The following TECPR2 variants were observed in gnomAD, a reference collection of about 807,000 sequenced individuals.
TECPR2 encodes the protein tectonin beta-propeller repeat-containing protein 2.
In TECPR2, 65 loss-of-function variants were observed where a neutral mutation model predicts 138.1. The observed-to-expected ratio is 0.47, with a 90% CI of 0.39 to 0.58. The LOEUF (loss-of-function observed/expected upper bound fraction) is 0.58, where lower values mean the gene tolerates loss of function less well. Among genes scored for constraint, TECPR2 ranks in the 20% least tolerant of loss-of-function variants. The pLI is 0.00. For synonymous variants in TECPR2, 746 were observed against 749.8 expected (o/e 0.99, Z 0.08); for missense variants, 1,553 against 1,824.5 (o/e 0.85, Z 2.71).
chr14:102,434,857 G>A lies in TECPR2; in HGVS notation c.2040G>A (p.Glu680=), dbSNP rs768087934. The A allele has an allele frequency of 1.8e-5, 29 of 1,613,650 alleles. No homozygotes were observed. Among genetic ancestry groups the A allele is most frequent in the Admixed American group, 8.3e-5 (5 of 60,024 alleles). The change falls in exon 9 of 20, where the codon GAG becomes GAA. Residue 680 remains glutamate (E), a synonymous_variant. Transcript: ENST00000359520. The part of the protein sequence containing the change: ...DEGSPVEPSQ[E]QDILTSMEAS... ...GCAGCCCCGTGGAGCCCAGCCAAGA[G>A]CAGGACATCCTAACCAGCATGGAGG...
chr14:102,449,835 G>A lies in TECPR2; in HGVS notation c.3282G>A (p.Lys1094=), dbSNP rs199835341. Residue 1094 remains lysine (K), a synonymous_variant, in exon 14 of 20, where the codon AAG becomes AAA. Transcript: ENST00000359520. ...NNSGVWISSG[K]NEFHVAKGSL... is the part of the protein sequence containing the mutation. The stretch of plus-strand genomic sequence containing the variant: ...GCGGTGTCTGGATCTCCTCGGGCAA[G>A]AATGAATTCCACGTCGCTAAGGGAA... 1.5e-4 allele frequency: 246 copies of A among 1,614,072 alleles called. No individual in the cohort carries two copies. Among genetic ancestry groups the A allele is most frequent in the Middle Eastern group, 1.3e-3 (8 of 6,062 alleles).
intron 2 of TECPR2, among the ~76,000 whole-genome samples, chr14:102,394,273 G>A (rs896884012): frequency 3.3e-5 from 5 of 152,152 alleles, no homozygotes; most frequent in African/African-American, 1.2e-4. Context: ...ACATTTGTGT[G>A]TGAATCCTGA....
chr14:102,365,714 A>G (rs1887329728), intron 1 of TECPR2, among the ~76,000 whole-genome samples: 1 of 152,192 alleles, frequency 6.6e-6, no homozygotes, highest in South Asian at 2.1e-4. Context: ...CAGGGCTGAG[A>G]GAAGAAGCGT....
intron 16 of TECPR2, among the ~76,000 whole-genome samples, chr14:102,460,635 A>C (rs979969331): frequency 3.5e-4 from 54 of 152,130 alleles, no homozygotes; most frequent in African/African-American, 1.3e-3. Context: ...ATTAAATTTT[A>C]ATTTCAAGGA....
At chr14:102,385,655 C>T (rs576567684) in intron 2 of TECPR2, among the ~76,000 whole-genome samples, 36 of 152,274 alleles carry the variant, frequency 2.4e-4, no homozygotes, top group African/African-American at 8.7e-4. Context: ...TTAGCTAGTC[C>T]AGGCATAGTG....
chr14:102,448,738 G>A (rs906902604), intron 13 of TECPR2, among the ~76,000 whole-genome samples: 2 of 151,954 alleles, frequency 1.3e-5, no homozygotes, highest in East Asian at 3.9e-4. Context: ...GTTGTGGCGT[G>A]CGCCTGTAGT....
intron 2 of TECPR2, among the ~76,000 whole-genome samples, chr14:102,379,851 G>T (rs190866012): frequency 5.2e-4 from 76 of 147,386 alleles, no homozygotes; most frequent in Admixed American, 5.1e-3. Context: ...CACTGCTGAA[G>T]ATCACAGTCT....
At chr14:102,393,196 C>A (rs1293007809) in intron 2 of TECPR2, among the ~76,000 whole-genome samples, 1 of 152,096 alleles carries the variant, frequency 6.6e-6, no homozygotes, top group East Asian at 1.9e-4. Context: ...TTTTGGGGTC[C>A]TGTGGATTTT....
chr14:102,428,635 G>A (rs1462661834), intron 7 of TECPR2, among the ~76,000 whole-genome samples: 2 of 151,980 alleles, frequency 1.3e-5, no homozygotes, highest in African/African-American at 4.8e-5. Flanking sequence ...GGTGGCATGC[G>A]CCTGTGGTCT....
chr14:102,473,466 C>T (rs533601979), intron 17 of TECPR2, among the ~76,000 whole-genome samples: 52 of 152,256 alleles, frequency 3.4e-4, no homozygotes, highest in African/African-American at 1.3e-3. Context: ...TTTATTTGTT[C>T]TTCGACTTGA....
chr14:102,491,356 T>A (rs1298205324), intron 17 of TECPR2, among the ~76,000 whole-genome samples: 1 of 150,768 alleles, frequency 6.6e-6, no homozygotes, highest in Non-Finnish European at 1.5e-5. Context: ...GCTGGGACTA[T>A]AGGCACATGC....
chr14:102,391,146 C>T (rs1179815885), intron 2 of TECPR2, among the ~76,000 whole-genome samples: 1 of 152,168 alleles, frequency 6.6e-6, no homozygotes, highest in Non-Finnish European at 1.5e-5. Flanking sequence ...GCAACCTTTG[C>T]CTCTGGGTTC....
intron 1 of TECPR2, among the ~76,000 whole-genome samples, chr14:102,375,854 C>G (rs1887627946): frequency 6.6e-6 from 1 of 152,232 alleles, no homozygotes; most frequent in Admixed American, 6.5e-5. Flanking sequence ...TCATGACCCT[C>G]TGGCCCCCAG....
At chr14:102,424,119 G>T (rs1157198395) in intron 5 of TECPR2, among the ~76,000 whole-genome samples, 1 of 152,204 alleles carries the variant, frequency 6.6e-6, no homozygotes, top group Non-Finnish European at 1.5e-5. Context: ...GTAGGTGGTA[G>T]GTACAGCCTA....
intron 8 of TECPR2, among the ~76,000 whole-genome samples, chr14:102,432,683 C>T (rs528916847): frequency 6.6e-6 from 1 of 151,862 alleles, no homozygotes; most frequent in Non-Finnish European, 1.5e-5. Context: ...CGTGAGCCAC[C>T]GCGCCTGGCA....
In TECPR2 at chr14:102,437,154, T is replaced by C. The variant is rs577260704; in HGVS notation, c.2395-868T>C. 3 of 985,442 alleles carry C rather than the reference T, an allele frequency of 3.0e-6. No individual in the cohort carries two copies. The African/African-American group carries it at 5.2e-5, about 17-fold the overall frequency. The allele number at this position is 985,442 out of a possible 1,614,324, so 61.0% of individuals were successfully genotyped here. On this transcript the variant is annotated intron_variant, in intron 9 of 19. Transcript: ENST00000359520. ...TGGGCACCATTTTCTTTGAAGTAGT[T>C]AACTTCTATGTGGGTATCTGTACAA...
rs779898163 is a variant in TECPR2, at chr14:102,465,181, C to T, written c.3681C>T (p.His1227=). The T allele has an allele frequency of 2.5e-6, 4 of 1,614,120 alleles. No individual in the cohort carries two copies. In the Admixed American group the frequency reaches 5.0e-5, roughly 20 times the overall value. ...CAAGCTTGGCATGTGGAAATCAGCA[C>T]ATCTGGGCCTGTGATTCCAGGGGTG... ...KLTSLACGNQ[H]IWACDSRGGV... is the part of the protein sequence containing the mutation. Residue 1227 remains histidine, a synonymous_variant, in exon 17 of 20, where the codon CAC becomes CAT. Coordinates refer to ENST00000359520, the MANE Select transcript of TECPR2 (RefSeq NM_014844.5).
At chr14:102,431,334 T>C (rs1299176767) in intron 7 of TECPR2, among the ~76,000 whole-genome samples, 1 of 149,912 alleles carries the variant, frequency 6.7e-6, no homozygotes, top group Non-Finnish European at 1.5e-5. Context: ...CTTTTAGTTT[T>C]GGTGGATTTT....
chr14:102,488,876 A>C (rs1394006193), intron 17 of TECPR2, among the ~76,000 whole-genome samples: 1 of 151,678 alleles, frequency 6.6e-6, no homozygotes, highest in African/African-American at 2.4e-5. Flanking sequence ...TAGTTCCAGA[A>C]CATTCTTTTT....
Sources: gnomAD v4.1 joint callset for allele counts (sites outside exome capture counted in the v4.1 genomes callset) on GRCh38, gnomAD v4.1.1 for gene constraint, MANE v1.5 for transcripts, NCBI Gene and HGNC (gene_info 2026-07-23, HGNC 2026-07-21) for gene names.